Variants in RTL5 observed in about 807,000 individuals in gnomAD.
RTL5 encodes retrotransposon Gag-like protein 5.
In RTL5, 8 loss-of-function variants were observed where a neutral mutation model predicts 7.7. The observed-to-expected ratio is 1.04, with a 90% CI of 0.61 to 1.88. The LOEUF (loss-of-function observed/expected upper bound fraction) is 1.88. Among genes scored for constraint, RTL5 ranks in the 40% most tolerant of loss-of-function variants. The pLI, the probability that RTL5 is intolerant of heterozygous loss-of-function variation, is 0.00. For synonymous variants in RTL5, 188 were observed against 191.8 expected, an observed-to-expected ratio of 0.98 and a Z score of 0.16; for missense variants, 457 against 472.7, an observed-to-expected ratio of 0.97 and a Z score of 0.31.
chrX:72,131,557 G>GC (rs765698555), exon 1 of RTL5: 2 of 1,150,698 alleles, frequency 1.7e-6, no homozygotes, highest in South Asian at 4.1e-5. Context: ...AAGCCCAGGG[G>GC]CCCTGGGGCT....
In RTL5 at chrX:72,130,438, G is replaced by A. The variant is rs1305331475; in HGVS notation, c.1103C>T (p.Ala368Val). 6 of 1,201,824 alleles carry A rather than the reference G, an allele frequency of 5.0e-6. No individual in the cohort carries two copies. In the African/African-American group the frequency reaches 7.2e-5, roughly 14 times the overall value. Residue 368 changes from alanine to valine, a missense_variant, in exon 1 of 1, where the codon GCT becomes GTT. Coordinates refer to ENST00000609883, the Ensembl canonical transcript of RTL5. Reference sequence around the variant, plus strand: ...CTTCTCCTTCATCTCTTGCTGAAAAGCCCTCATGCGCTTCCTCTGGTCCTT... The same window carrying A: ...CTTCTCCTTCATCTCTTGCTGAAAAACCCTCATGCGCTTCCTCTGGTCCTT...
upstream of RTL5, chrX:72,131,856 G>A (rs1216112114): frequency 3.7e-6 from 1 of 268,441 alleles, no homozygotes; most frequent in Non-Finnish European, 6.3e-6. Context: ...GCGACCGGGC[G>A]GGCGGGCGGG....
chrX:72,131,056 T>A (rs764828300), exon 1 of RTL5: 1 of 1,210,413 alleles, frequency 8.3e-7, no homozygotes, highest in South Asian at 1.8e-5. Flanking sequence ...TTCAGCCAGG[T>A]AGACTGGGTC....
At chrX:72,128,290 C>A (rs1284420677) in exon 1 of RTL5, 1 of 112,112 alleles carries the variant, frequency 8.9e-6, no homozygotes, top group South Asian at 3.7e-4. Flanking sequence ...CTGAGATTAT[C>A]GGTCAGACTC....
chrX:72,130,231 T>C lies in RTL5; in HGVS notation c.1310A>G (p.Glu437Gly), dbSNP rs781166664. 5.0e-6 allele frequency: 6 copies of C among 1,207,265 alleles called. No individual in the cohort carries two copies. The highest frequency in any genetic ancestry group is 1.8e-5 in the African/African-American group (1 of 56,408). Residue 437 changes from glutamate (E) to glycine (G), a missense_variant, in exon 1 of 1, where the codon GAG (glutamate) becomes GGG (glycine). By Grantham distance (98) the Glu-to-Gly change is moderately conservative. Coordinates refer to ENST00000609883, the Ensembl canonical transcript of RTL5. ...CTCAGTCCCTGGATCCTGCTGTGGC[T>C]CTCCTTCTGGTTTCTGGCCCCCATC...
exon 1 of RTL5, chrX:72,129,824 C>A (rs1430626680): frequency 8.5e-7 from 1 of 1,183,368 alleles, no homozygotes; most frequent in African/African-American, 1.8e-5. Flanking sequence ...CCATCTGGCC[C>A]CAGCACTCAA....
rs949016966 is a variant in RTL5 at position 72,130,819 on chromosome X, A to G, written c.722T>C (p.Ile241Thr). ...ACAGTGGCCCTGCTTGAGCTTGCGAATGGCCTTTTTAGCCACACGTGGGGG... is the reference window on the plus strand; with the variant it reads ...ACAGTGGCCCTGCTTGAGCTTGCGAGTGGCCTTTTTAGCCACACGTGGGGG... Residue 241 changes from isoleucine to threonine, a missense_variant, in exon 1 of 1, where the codon ATT becomes ACT. Physicochemically the swap from Ile to Thr is moderately conservative, Grantham distance 89. Transcript: ENST00000609883. 2.5e-6 allele frequency: 3 copies of G among 1,209,925 alleles called. No individual in the cohort carries two copies. Among genetic ancestry groups the G allele is most frequent in the Admixed American group, 2.2e-5 (1 of 45,843 alleles).
At chrX:72,130,424 T>C in exon 1 of RTL5, 1 of 1,201,689 alleles carries the variant, frequency 8.3e-7, no homozygotes, top group Non-Finnish European at 1.1e-6. Context: ...TTCTCCTTCA[T>C]CTCTTGCTGA....
exon 1 of RTL5, chrX:72,130,602 A>T: frequency 8.3e-7 from 1 of 1,211,554 alleles, no homozygotes; most frequent in Non-Finnish European, 1.1e-6. Flanking sequence ...TAGGCTTGGG[A>T]ACGCGCACTT....
At position 72,131,324 on chromosome X, in the gene RTL5, G is replaced by A. The variant is rs768317644; in HGVS notation, c.217C>T (p.Leu73Phe). Residue 73 changes from leucine (L) to phenylalanine (F), a missense_variant, in exon 1 of 1, where the codon CTC (leucine) becomes TTC (phenylalanine). Transcript: ENST00000609883. ...CCGGGAATGACTTCGATCTCACTGA[G>A]CGCGAACTCCAAGTTCTCCTCCGCA... is the stretch of plus-strand genomic sequence containing the variant. 26 of 1,202,244 alleles carry A rather than the reference G, an allele frequency of 2.2e-5. No homozygotes were observed. Among genetic ancestry groups the A allele is most frequent in the Non-Finnish European group, 2.8e-5 (25 of 890,767 alleles).
exon 1 of RTL5, chrX:72,130,705 C>T (rs925431107): frequency 8.3e-7 from 1 of 1,210,320 alleles, no homozygotes; most frequent in Non-Finnish European, 1.1e-6. Context: ...TTCCGACAGG[C>T]CTTTGAGGAA....
rs746034015 is a variant in RTL5 at position 72,130,817 on chromosome X, G to C, written c.724C>G (p.Arg242Gly). ...GTACAGTGGCCCTGCTTGAGCTTGC[G>C]AATGGCCTTTTTAGCCACACGTGGG... Residue 242 changes from arginine to glycine, a missense_variant, in exon 1 of 1, where the codon CGC becomes GGC. Physicochemically the swap from Arg to Gly is moderately radical, Grantham distance 125. Transcript: ENST00000609883. 8.3e-7 allele frequency: 1 copy of C among 1,209,823 alleles called. No individual in the cohort carries two copies. Among genetic ancestry groups the C allele is most frequent in the Non-Finnish European group, 1.1e-6 (1 of 895,090 alleles).
At chrX:72,131,543 C>T (rs764413186) in exon 1 of RTL5, 9 of 1,174,955 alleles carry the variant, frequency 7.7e-6, no homozygotes, top group Non-Finnish European at 1.0e-5. Flanking sequence ...TCAGACATCT[C>T]GACAAGCCCA....
exon 1 of RTL5, chrX:72,131,375 A>T: frequency 3.3e-6 from 4 of 1,210,608 alleles, no homozygotes; most frequent in Non-Finnish European, 4.5e-6. Context: ...GGTACTGGCC[A>T]GCGGATGTAG....
exon 1 of RTL5, chrX:72,131,658 C>G: frequency 1.4e-6 from 1 of 730,286 alleles, no homozygotes; most frequent in Non-Finnish European, 1.9e-6. Context: ...AGTGCGGCAG[C>G]GGGGCACGGG....
exon 1 of RTL5, chrX:72,128,585 C>G (rs1242818171): frequency 8.9e-6 from 1 of 112,850 alleles, no homozygotes; most frequent in African/African-American, 3.2e-5. Flanking sequence ...AGGCAGCCAC[C>G]CTCTTAAGCT....
exon 1 of RTL5, chrX:72,131,395 T>C (rs778203422): frequency 2.5e-6 from 3 of 1,211,023 alleles, no homozygotes; most frequent in East Asian, 3.0e-5. Context: ...GCTGGAGACA[T>C]TGCCCCGCAA....
chrX:72,129,955 G>T, exon 1 of RTL5: 3 of 1,211,605 alleles, frequency 2.5e-6, no homozygotes, highest in Non-Finnish European at 3.4e-6. Context: ...AATCAGTTGG[G>T]GGGAGCTGTA....
chrX:72,131,572 G>A (rs1175448406), exon 1 of RTL5: 1 of 1,139,469 alleles, frequency 8.8e-7, no homozygotes, highest in South Asian at 2.1e-5. Context: ...GGGGCTCCGT[G>A]GTGGGGAAAG....
Sources: allele counts gnomAD v4.1 joint callset, GRCh38; gene constraint gnomAD v4.1.1; transcripts MANE v1.5; gene names NCBI Gene and HGNC (gene_info 2026-07-23, HGNC 2026-07-21).